The following ZNF385D variants were observed in gnomAD, a reference collection of about 807,000 sequenced individuals.
ZNF385D encodes the protein zinc finger protein 659.
In ZNF385D, 15 loss-of-function variants were observed where a neutral mutation model predicts 35.8. That is an observed-to-expected ratio of 0.42 (90% CI 0.28 to 0.64). ZNF385D has a LOEUF of 0.64. ZNF385D is among the 30% of genes least tolerant of loss of function. The probability of loss-of-function intolerance (pLI) is 0.23; values close to 1 mark genes in which losing one functional copy is unlikely to be tolerated. For synonymous variants in ZNF385D, 212 were observed against 186.8 expected (o/e 1.13, Z -1.10); for missense variants, 474 against 494.6 (o/e 0.96, Z 0.39).
At chr3:21,696,769 A>C (rs1007507746) in intron 1 of ZNF385D, among the ~76,000 whole-genome samples, 1 of 152,218 alleles carries the variant, frequency 6.6e-6, no homozygotes, top group Non-Finnish European at 1.5e-5. Context: ...TTGTGGGGGA[A>C]AATCTACTCC....
At chr3:22,003,878 A>C (rs1696022490) in intron 3 of ZNF385D, among the ~76,000 whole-genome samples, 1 of 151,822 alleles carries the variant, frequency 6.6e-6, no homozygotes, top group Non-Finnish European at 1.5e-5. Context: ...CCACCAAAAA[A>C]AAAAGAAAGA....
intron 2 of ZNF385D, among the ~76,000 whole-genome samples, chr3:21,656,168 T>C (rs2066066197): frequency 6.6e-6 from 1 of 151,944 alleles, no homozygotes; most frequent in Non-Finnish European, 1.5e-5. Context: ...TGTAGTCAGG[T>C]AGGAAGCTGG....
chr3:21,943,448 A>G (rs1701631422), intron 3 of ZNF385D, among the ~76,000 whole-genome samples: 1 of 151,886 alleles, frequency 6.6e-6, no homozygotes, highest in South Asian at 2.1e-4. Flanking sequence ...TGACTTCTGC[A>G]GTGACAACAT....
chr3:21,969,621 G>A (rs1386819479), intron 3 of ZNF385D, among the ~76,000 whole-genome samples: 1 of 152,132 alleles, frequency 6.6e-6, no homozygotes, highest in African/African-American at 2.4e-5. Context: ...CTGGTGCCAG[G>A]GTAACTCATC....
chr3:22,252,130 C>T (rs1416284736), intron 2 of ZNF385D, among the ~76,000 whole-genome samples: 1 of 151,926 alleles, frequency 6.6e-6, no homozygotes, highest in Non-Finnish European at 1.5e-5. Context: ...TTTTCCTCTA[C>T]TTGGATGTAA....
chr3:21,552,160 C>T (rs78496811), intron 3 of ZNF385D, among the ~76,000 whole-genome samples: 4,319 of 152,184 alleles, frequency 0.028, 188 homozygotes, highest in African/African-American at 0.098. Flanking sequence ...CCAGATTTAC[C>T]TGGAAACAAC....
At chr3:22,298,560 T>TACACACACACACACAC (rs758306222) in intron 2 of ZNF385D, among the ~76,000 whole-genome samples, 2 of 142,846 alleles carry the variant, frequency 1.4e-5, no homozygotes, top group African/African-American at 5.2e-5. Flanking sequence ...TATACACACA[T>TACACACACACACACAC]ACACACACAC....
At chr3:22,112,048 C>G (rs1379806013) in intron 3 of ZNF385D, among the ~76,000 whole-genome samples, 1 of 152,106 alleles carries the variant, frequency 6.6e-6, no homozygotes, top group Admixed American at 6.6e-5. Context: ...TAAAGGACCA[C>G]AACAAAATTT....
intron 2 of ZNF385D, among the ~76,000 whole-genome samples, chr3:22,315,547 A>C (rs1703840868): frequency 2.6e-5 from 4 of 152,164 alleles, no homozygotes; most frequent in Admixed American, 2.6e-4. Flanking sequence ...GAGGAGTGGC[A>C]TGGCTGGGGA....
intron 3 of ZNF385D, among the ~76,000 whole-genome samples, chr3:21,762,011 C>T (rs570947907): frequency 6.7e-5 from 10 of 149,952 alleles, no homozygotes; most frequent in African/African-American, 2.2e-4. Context: ...CCCGAGTAGC[C>T]GAGATTACAA....
At chr3:21,957,104 T>G in intron 3 of ZNF385D, 1 of 161,432 alleles carries the variant, frequency 6.2e-6, no homozygotes, top group Non-Finnish European at 1.3e-5. Context: ...TTGCTTTTGC[T>G]TCTTCCTCAT....
Position 21,656,692 on chromosome 3 carries a change from G to C in ZNF385D, c.165+8194C>G, listed in dbSNP as rs149968438. On this transcript the variant is annotated intron_variant, in intron 2 of 7. Coordinates refer to ENST00000281523, the MANE Select transcript of ZNF385D (RefSeq NM_024697.3). ...ATTATTCAATATTTAGGATCTCCAT[G>C]AGAAGTAGATGTCAGGAGTCCCAGT... is the stretch of plus-strand genomic sequence containing the variant. Among the ~76,000 whole-genome samples, 11 of 151,966 alleles carry C rather than the reference G, an allele frequency of 7.2e-5. 1 individual carries two copies. The highest frequency in any genetic ancestry group is 2.2e-4 in the African/African-American group (9 of 41,500).
intron 2 of ZNF385D, among the ~76,000 whole-genome samples, chr3:22,201,082 G>A (rs1394384063): frequency 2.0e-5 from 3 of 152,090 alleles, no homozygotes; most frequent in Non-Finnish European, 2.9e-5. Context: ...GACAGGCATA[G>A]GAAATCACAA....
chr3:21,974,640 C>A (rs1322990149), intron 3 of ZNF385D, among the ~76,000 whole-genome samples: 2 of 152,016 alleles, frequency 1.3e-5, no homozygotes, highest in African/African-American at 2.4e-5. Flanking sequence ...AAACAACCCA[C>A]AGAATGGAAG....
intron 3 of ZNF385D, among the ~76,000 whole-genome samples, chr3:22,005,276 GA>G (rs1559841038): frequency 1.3e-5 from 2 of 151,454 alleles, no homozygotes. Flanking sequence ...TTAAAAAGAT[GA>G]AAAAAATAAG....
At chr3:21,585,024 G>A (rs1038966672) in intron 2 of ZNF385D, among the ~76,000 whole-genome samples, 40 of 151,188 alleles carry the variant, frequency 2.6e-4, no homozygotes, top group African/African-American at 9.7e-4. Context: ...TAGAATCTTT[G>A]TGCCAGTTTG....
At chr3:21,974,451 G>C (rs569782844) in intron 3 of ZNF385D, among the ~76,000 whole-genome samples, 5 of 152,080 alleles carry the variant, frequency 3.3e-5, no homozygotes, top group South Asian at 4.2e-4. Flanking sequence ...TTAAATCTAA[G>C]ATCTTAAGCT....
At chr3:21,944,826 T>C (rs1701695496) in intron 3 of ZNF385D, among the ~76,000 whole-genome samples, 1 of 152,108 alleles carries the variant, frequency 6.6e-6, no homozygotes, top group African/African-American at 2.4e-5. Flanking sequence ...AATGAGCAAA[T>C]TCATTGATGA....
chr3:21,439,980 AT>A lies in ZNF385D; in HGVS notation c.440-2778del, dbSNP rs572647992. On this transcript the variant is annotated intron_variant, in intron 4 of 7. Transcript: ENST00000281523. Reference sequence around the variant, plus strand: ...TAGTGTGAAAGAAATAAAAAGTTATATTTTTTATCTTAAATTTAATATGTAG... The same window carrying A: ...TAGTGTGAAAGAAATAAAAAGTTATATTTTTATCTTAAATTTAATATGTAG... 3.7e-4 allele frequency among the ~76,000 whole-genome samples: 57 copies of A among 152,178 alleles called. No individual in the cohort carries two copies. In the East Asian group the frequency reaches 5.2e-3, roughly 14 times the overall value.
Sources: allele counts gnomAD v4.1 joint callset (sites outside exome capture counted in the v4.1 genomes callset), GRCh38; gene constraint gnomAD v4.1.1; transcripts MANE v1.5; gene names NCBI Gene and HGNC (gene_info 2026-07-23, HGNC 2026-07-21).